Variants in GALNT17 observed in about 807,000 individuals in gnomAD.
GALNT17 encodes the protein polypeptide N-acetylgalactosaminyltransferase 17, also known as UDP-GalNAc:polypeptide N-acetylgalactosaminyltransferase-like 3.
Under a neutral mutation model 63.7 loss-of-function variants are expected in GALNT17, and 29 were observed. The observed-to-expected ratio is 0.46, with a 90% CI of 0.34 to 0.62. The LOEUF (loss-of-function observed/expected upper bound fraction) is 0.62, where lower values mean the gene tolerates loss of function less well. Among genes scored for constraint, GALNT17 ranks in the 20% least tolerant of loss-of-function variants. The probability of loss-of-function intolerance (pLI) is 0.01; values close to 1 mark genes in which losing one functional copy is unlikely to be tolerated. For synonymous variants in GALNT17, 305 were observed against 318.3 expected, an observed-to-expected ratio of 0.96 and a Z score of 0.45; for missense variants, 603 against 799.6, an observed-to-expected ratio of 0.75 and a Z score of 2.97.
At chr7:71,372,528 T>A (rs1792643708) in intron 2 of GALNT17, among the ~76,000 whole-genome samples, 1 of 152,174 alleles carries the variant, frequency 6.6e-6, no homozygotes. Flanking sequence ...CACAGCTCTC[T>A]GCAACCTCTT....
chr7:71,321,867 TTTCCTTCCTTCC>T lies in GALNT17; in HGVS notation c.239-13638_239-13627del, dbSNP rs1178713360. On this transcript the variant is annotated intron_variant, in intron 1 of 10. Coordinates refer to ENST00000333538, the MANE Select transcript of GALNT17 (RefSeq NM_022479.3). ...TTCCTTCCTTTCCTTCCTTCCTTCC[TTTCCTTCCTTCC>T]TTCCTTCCTTCCTTCCTTCCTTCCT... 6.4e-3 allele frequency among the ~76,000 whole-genome samples: 300 copies of T among 46,844 alleles called. 2 individuals are homozygous for T. Among genetic ancestry groups the T allele is most frequent in the Admixed American group, 9.7e-3 (36 of 3,716 alleles). The allele number at this position is 46,844 out of a possible 152,430, so 30.7% of individuals were successfully genotyped here. A position where few individuals can be genotyped will look rare whatever the true frequency, so the allele number is the denominator to read the frequency against.
intron 1 of GALNT17, among the ~76,000 whole-genome samples, chr7:71,184,642 A>C (rs1788798103): frequency 6.6e-6 from 1 of 152,030 alleles, no homozygotes; most frequent in Non-Finnish European, 1.5e-5. Context: ...CCAAGGTGGG[A>C]AATAGCTTGT....
At chr7:71,375,551 T>TGG (rs1792706369) in intron 2 of GALNT17, among the ~76,000 whole-genome samples, 1 of 152,102 alleles carries the variant, frequency 6.6e-6, no homozygotes, top group Admixed American at 6.5e-5. Flanking sequence ...GGTGAGTAGC[T>TGG]AAGACTACAG....
chr7:71,499,525 G>A (rs1271527338), intron 5 of GALNT17, among the ~76,000 whole-genome samples: 1 of 152,192 alleles, frequency 6.6e-6, no homozygotes, highest in Non-Finnish European at 1.5e-5. Flanking sequence ...ATCACAGTGA[G>A]AGGAAATACC....
chr7:71,701,841 G>A lies in GALNT17; in HGVS notation c.1501-8920G>A, dbSNP rs13311493. On this transcript the variant is annotated intron_variant, in intron 9 of 10. Coordinates refer to ENST00000333538, the MANE Select transcript of GALNT17 (RefSeq NM_022479.3). ...CACATATATATACACATATATATAT[G>A]TGTATATATATATACACATATATAT... Among the ~76,000 whole-genome samples the A allele has an allele frequency of 4.5e-3, 49 of 10,772 alleles. 1 individual carries two copies. Among genetic ancestry groups the A allele is most frequent in the African/African-American group, 0.011 (44 of 4,056 alleles). 7.1% of individuals were successfully genotyped at this position (10,772 alleles called of 152,430 possible).
intron 1 of GALNT17, among the ~76,000 whole-genome samples, chr7:71,282,244 C>T (rs1055612786): frequency 2.6e-5 from 4 of 152,182 alleles, no homozygotes; most frequent in Non-Finnish European, 4.4e-5. Context: ...TGCCTCCTGA[C>T]GACGAGAGCC....
chr7:71,490,458 T>G (rs1484804755), intron 5 of GALNT17, among the ~76,000 whole-genome samples: 1 of 152,052 alleles, frequency 6.6e-6, no homozygotes, highest in Non-Finnish European at 1.5e-5. Flanking sequence ...TTGTTGTGCA[T>G]GGTGGGGACA....
chr7:71,607,737 G>A (rs947211158), intron 6 of GALNT17, among the ~76,000 whole-genome samples: 2 of 151,786 alleles, frequency 1.3e-5, no homozygotes, highest in African/African-American at 4.8e-5. Flanking sequence ...AAGAAAAGGA[G>A]AAAAAAAACC....
At chr7:71,431,574 C>T (rs1786867575) in intron 5 of GALNT17, among the ~76,000 whole-genome samples, 1 of 152,084 alleles carries the variant, frequency 6.6e-6, no homozygotes, top group African/African-American at 2.4e-5. Context: ...AGCACCTTAC[C>T]CAACGTCACA....
chr7:71,282,012 C>T (rs1424948919), intron 1 of GALNT17, among the ~76,000 whole-genome samples: 5 of 152,162 alleles, frequency 3.3e-5, no homozygotes, highest in Admixed American at 2.6e-4. Flanking sequence ...CTTTCTTCCT[C>T]AATGTTCTCC....
At chr7:71,379,620 G>A (rs940061826) in intron 2 of GALNT17, among the ~76,000 whole-genome samples, 2 of 152,146 alleles carry the variant, frequency 1.3e-5, no homozygotes, top group Admixed American at 6.5e-5. Flanking sequence ...TTTGGTGACC[G>A]ATAGGCATGT....
At chr7:71,337,889 A>AAAC (rs1036126555) in intron 2 of GALNT17, among the ~76,000 whole-genome samples, 1 of 151,696 alleles carries the variant, frequency 6.6e-6, no homozygotes, top group Non-Finnish European at 1.5e-5. Context: ...ACAAACAAAC[A>AAAC]AACAACAACA....
At position 71,442,977 on chromosome 7, in the gene GALNT17, A is replaced by G. The variant is rs369786669; in HGVS notation, c.962+21872A>G. Among the ~76,000 whole-genome samples the G allele has an allele frequency of 5.3e-5, 8 of 152,076 alleles. No individual in the cohort carries two copies. In the East Asian group the frequency reaches 5.8e-4, roughly 11 times the overall value. On this transcript the variant is annotated intron_variant, in intron 5 of 10. Coordinates refer to ENST00000333538, the MANE Select transcript of GALNT17 (RefSeq NM_022479.3). ...TTCAACTTAAAGGAAAGAGGAGAGAAATGTTTCTTGAGTGTCTTTTATGAA... is the reference window on the plus strand; with the variant it reads ...TTCAACTTAAAGGAAAGAGGAGAGAGATGTTTCTTGAGTGTCTTTTATGAA...
chr7:71,538,851 AAGG>A (rs752775558), intron 5 of GALNT17, among the ~76,000 whole-genome samples: 3 of 151,502 alleles, frequency 2.0e-5, no homozygotes, highest in Non-Finnish European at 2.9e-5. Flanking sequence ...GAGAGAAAGG[AAGG>A]AGGGAGGGAT....
chr7:71,484,462 T>C (rs1428120579), intron 5 of GALNT17, among the ~76,000 whole-genome samples: 1 of 152,160 alleles, frequency 6.6e-6, no homozygotes, highest in Non-Finnish European at 1.5e-5. Context: ...CACTCCAGTC[T>C]GGGTGACAGA....
chr7:71,190,702 G>GT (rs1788935492), intron 1 of GALNT17, among the ~76,000 whole-genome samples: 1 of 152,036 alleles, frequency 6.6e-6, no homozygotes, highest in Non-Finnish European at 1.5e-5. Context: ...TGTGATCATG[G>GT]TTCTCTGCAG....
intron 9 of GALNT17, among the ~76,000 whole-genome samples, chr7:71,686,567 T>G (rs1425822262): frequency 1.3e-5 from 2 of 151,626 alleles, no homozygotes; most frequent in Admixed American, 1.3e-4. Context: ...TTTTTAAATT[T>G]TTGTAGAGAT....
intron 6 of GALNT17, among the ~76,000 whole-genome samples, chr7:71,584,415 C>G (rs1789684497): frequency 6.6e-6 from 1 of 152,164 alleles, no homozygotes; most frequent in Non-Finnish European, 1.5e-5. Flanking sequence ...TCAGCTTTAA[C>G]AAATATTAAC....
intron 1 of GALNT17, among the ~76,000 whole-genome samples, chr7:71,333,548 G>A (rs1044462592): frequency 2.6e-5 from 4 of 151,992 alleles, no homozygotes; most frequent in African/African-American, 9.7e-5. Flanking sequence ...AGCATTTTTT[G>A]TTTTTGTTTT....
Sources: allele counts gnomAD v4.1 joint callset (sites outside exome capture counted in the v4.1 genomes callset), GRCh38; gene constraint gnomAD v4.1.1; transcripts MANE v1.5; gene names NCBI Gene and HGNC (gene_info 2026-07-23, HGNC 2026-07-21).